The following SAFB2 variants were observed in gnomAD, a reference collection of about 807,000 sequenced individuals.
SAFB2 encodes the protein scaffold attachment factor B2.
SAFB2 carries 32 observed loss-of-function variants against 100.6 expected under a neutral mutation model. The observed-to-expected ratio is 0.32, with a 90% confidence interval of 0.24 to 0.43. The LOEUF (loss-of-function observed/expected upper bound fraction) is 0.43, where lower values mean the gene tolerates loss of function less well. Ranked by LOEUF, SAFB2 falls within the 20% of genes least tolerant of loss-of-function variation. The probability of loss-of-function intolerance (pLI) is 1.00; values close to 1 mark genes in which losing one functional copy is unlikely to be tolerated. For synonymous variants in SAFB2, 500 were observed against 439.4 expected, an observed-to-expected ratio of 1.14 and a Z score of -1.72; for missense variants, 1,185 against 1,163.4, an observed-to-expected ratio of 1.02 and a Z score of -0.27.
intron 8 of SAFB2, 126 bp downstream of exon 8, chr19:5,610,513 G>C: frequency 1.4e-6 from 1 of 714,708 alleles, no homozygotes. Context: ...GAAACCATTA[G>C]GTGGTTGATT....
At chr19:5,616,904 T>C (rs1166468418) in intron 2 of SAFB2, among the ~76,000 whole-genome samples, 1 of 152,014 alleles carries the variant, frequency 6.6e-6, no homozygotes, top group East Asian at 1.9e-4. Flanking sequence ...CCAGCCTCGG[T>C]CTCCCAAAGT....
intron 15 of SAFB2, 84 bp downstream of exon 15, chr19:5,593,807 G>C (rs574410944): frequency 1.5e-6 from 2 of 1,331,398 alleles, no homozygotes; most frequent in East Asian, 5.8e-5. Flanking sequence ...GACAGGGACG[G>C]AAGGGAAGCC....
chr19:5,602,059 T>C (rs2052669918), intron 11 of SAFB2, among the ~76,000 whole-genome samples: 1 of 152,090 alleles, frequency 6.6e-6, no homozygotes, highest in Admixed American at 6.6e-5. Context: ...ACCACTAATC[T>C]AGAAATCCTT....
intron 13 of SAFB2, among the ~76,000 whole-genome samples, chr19:5,597,106 C>T (rs956477579): frequency 6.6e-5 from 10 of 152,192 alleles, no homozygotes; most frequent in Non-Finnish European, 1.0e-4. Context: ...CAGATGCCCA[C>T]ATACCACCGC....
At chr19:5,607,215 C>T (rs1000282044) in intron 9 of SAFB2, among the ~76,000 whole-genome samples, 13 of 152,156 alleles carry the variant, frequency 8.5e-5, no homozygotes, top group Admixed American at 5.9e-4. Flanking sequence ...GAGCCGAGAT[C>T]GCGCCACTGC....
rs376677397 is a variant in SAFB2, at chr19:5,590,348, G to C, written c.2455C>G (p.Arg819Gly). The C allele has an allele frequency of 6.2e-7, 1 of 1,611,176 alleles. No individual in the cohort carries two copies. The highest frequency in any genetic ancestry group is 1.7e-5 in the Admixed American group (1 of 59,656). The change falls in exon 18 of 21, where the codon CGT (arginine) becomes GGT (glycine). Residue 819 changes from arginine (R) to glycine (G), a missense_variant. Arg to Gly is a moderately radical substitution (Grantham distance 125). Transcript: ENST00000252542. ...GAGCCGTAGCCCCCCCAGCCATCAC[G>C]GGAGTCCCGGCCGTGGCGCTCTGGG... ...GPPERHGRDS[R>G]DGWGGYGSDK...
rs2052934350 is a variant in SAFB2 at position 5,612,688 on chromosome 19, G to A, written c.607-121C>T. The A allele has an allele frequency of 2.8e-5, 21 of 762,536 alleles. No individual in the cohort carries two copies. In the South Asian group the frequency reaches 3.2e-4, roughly 12 times the overall value. 47.2% of individuals were successfully genotyped at this position (762,536 alleles called of 1,614,324 possible). ...ATGCCTGTTTCCACAAAACTTTCTT[G>A]TCTCCAAAAAATGTATTCCATCCTA... On this transcript the variant is annotated intron_variant, in intron 5 of 20. Coordinates refer to ENST00000252542, the MANE Select transcript of SAFB2 (RefSeq NM_014649.3).
At chr19:5,609,193 C>T (rs1033204486) in intron 9 of SAFB2, among the ~76,000 whole-genome samples, 17 of 152,016 alleles carry the variant, frequency 1.1e-4, no homozygotes, top group Non-Finnish European at 2.2e-4. Context: ...CTCCCACCCC[C>T]ATGAGCAGCA....
chr19:5,620,427 C>T (rs916215642), intron 2 of SAFB2, among the ~76,000 whole-genome samples: 9 of 152,136 alleles, frequency 5.9e-5, no homozygotes, highest in African/African-American at 2.2e-4. Context: ...CTAACAATAC[C>T]AACTGGGATA....
intron 11 of SAFB2, among the ~76,000 whole-genome samples, chr19:5,604,368 G>A (rs1301055815): frequency 6.6e-6 from 1 of 152,194 alleles, no homozygotes; most frequent in Non-Finnish European, 1.5e-5. Context: ...CTCCAGCCTA[G>A]GCAACAGAGT....
rs1235463177 is a variant in SAFB2, at chr19:5,604,660, G to T, written c.1482C>A (p.Asp494Glu). Reference sequence around the variant, plus strand: ...CCTTCTTCACTTCGCACTCTTTTCTGTCGGAAAGCTTTTTCCCAGCAGGCT... The same window carrying T: ...CCTTCTTCACTTCGCACTCTTTTCTTTCGGAAAGCTTTTTCCCAGCAGGCT... ...KNEPAGKKLS[D>E]RKECEVKKEK... is the part of the protein sequence containing the mutation. The change falls in exon 11 of 21, where the codon GAC becomes GAA. Residue 494 changes from aspartate (D) to glutamate (E), a missense_variant. This residue lies in a region of SAFB2 where 740 missense variants were observed against 687.1 expected (regional missense o/e 1.08). Coordinates refer to ENST00000252542, the MANE Select transcript of SAFB2 (RefSeq NM_014649.3). 6.2e-7 allele frequency: 1 copy of T among 1,614,056 alleles called. No individual in the cohort carries two copies.
intron 9 of SAFB2, among the ~76,000 whole-genome samples, chr19:5,609,051 C>CAAAAAAAAAAAAAAAAAAAAAAA (rs60419324): frequency 6.9e-5 from 5 of 72,676 alleles, no homozygotes; most frequent in African/African-American, 1.1e-4. Flanking sequence ...GACGCAGTCT[C>CAAAAAAAAAAAAAAAAAAAAAAA]AAAAAAAAAA....
At chr19:5,614,974 G>T (rs559687420) in intron 4 of SAFB2, among the ~76,000 whole-genome samples, 1 of 152,294 alleles carries the variant, frequency 6.6e-6, no homozygotes, top group South Asian at 2.1e-4. Flanking sequence ...ACTTTGGGAG[G>T]CCGAGGCAGG....
chr19:5,600,758 C>T (rs1378266170), intron 11 of SAFB2, among the ~76,000 whole-genome samples: 3 of 152,142 alleles, frequency 2.0e-5, no homozygotes, highest in African/African-American at 7.2e-5. Flanking sequence ...CAACACCCCT[C>T]GACCGGTAAC....
rs1420964540 is a variant in SAFB2, at chr19:5,621,409, G to A, written c.187-13C>T. On this transcript the variant is annotated splice_polypyrimidine_tract_variant and intron_variant, in intron 1 of 20. Coordinates refer to ENST00000252542, the MANE Select transcript of SAFB2 (RefSeq NM_014649.3). ...CTTCTTTAACCGCCTATTAGGGAGA[G>A]ATGAGTTTTACAACATCATTAAGAG... The A allele has an allele frequency of 3.8e-6, 6 of 1,563,254 alleles. No homozygotes were observed. In the East Asian group the frequency reaches 1.1e-4, roughly 29 times the overall value.
intron 18 of SAFB2, among the ~76,000 whole-genome samples, chr19:5,588,269 G>A (rs975007855): frequency 1.3e-5 from 2 of 152,112 alleles, no homozygotes; most frequent in East Asian, 1.9e-4. Flanking sequence ...ACCGTGGAGG[G>A]TGCGAGGAAA....
In SAFB2 at chr19:5,616,285, G is replaced by A; in HGVS notation, c.390C>T (p.Asp130=). Reference sequence around the variant, plus strand: ...CTTCAGTTTCGTCTAGCACACTCATGTCCATCATGCCCATATTCTGCAGGT... The same window carrying A: ...CTTCAGTTTCGTCTAGCACACTCATATCCATCATGCCCATATTCTGCAGGT... The part of the protein sequence containing the change: ...LENLQNMGMM[D]MSVLDETEVA... The change falls in exon 4 of 21, where the codon GAC becomes GAT. Residue 130 remains aspartate, a synonymous_variant. Transcript: ENST00000252542. The A allele has an allele frequency of 6.2e-7, 1 of 1,614,146 alleles. No homozygotes were observed. Among genetic ancestry groups the A allele is most frequent in the Admixed American group, 1.7e-5 (1 of 60,012 alleles).
At chr19:5,600,450 C>T (rs2052631808) in intron 11 of SAFB2, among the ~76,000 whole-genome samples, 190 bp from the exon 12 acceptor site, 2 of 152,120 alleles carry the variant, frequency 1.3e-5, no homozygotes, top group African/African-American at 2.4e-5. Flanking sequence ...GGCTGTATTC[C>T]CACTTCTAGT....
At chr19:5,593,637 G>C in intron 15 of SAFB2, 1 of 440,276 alleles carries the variant, frequency 2.3e-6, no homozygotes, top group Non-Finnish European at 4.0e-6. Context: ...AAACCCTTCA[G>C]CAAGTGGCAG....
Sources: gnomAD v4.1 joint callset for allele counts (sites outside exome capture counted in the v4.1 genomes callset) on GRCh38, gnomAD v4.1.1 for gene constraint, gnomAD v4.1.1 regional missense constraint, MANE v1.5 for transcripts, NCBI Gene and HGNC (gene_info 2026-07-23, HGNC 2026-07-21) for gene names.